C17orf75: variants seen among roughly 807,000 people sequenced by gnomAD.
The protein encoded by C17orf75 is chromosome 17 open reading frame 75.
A neutral mutation model predicts 49.6 loss-of-function variants in C17orf75; 32 were observed. The ratio of observed to expected loss-of-function variants is 0.65; its 90% CI spans 0.49 to 0.87. The LOEUF (loss-of-function observed/expected upper bound fraction) is 0.87. C17orf75 is among the 40% of genes least tolerant of loss of function. The probability of loss-of-function intolerance (pLI) is 0.00; values close to 1 mark genes in which losing one functional copy is unlikely to be tolerated. For missense variants in C17orf75, 428 were observed against 473.9 expected (o/e 0.90, Z 0.90); for synonymous variants, 158 against 159.5 (o/e 0.99, Z 0.07).
At position 32,331,379 on chromosome 17, in the gene C17orf75, C is replaced by T. The variant is rs148232523; in HGVS notation, c.*384G>A. On this transcript the variant is annotated 3_prime_UTR_variant, in exon 10 of 10. Transcript: ENST00000577809. ...GAATTACATTTTTTTTTTTAAGAAGCTACAGTCCACTGAAAAGGAAGTATT... is the reference window on the plus strand; with the variant it reads ...GAATTACATTTTTTTTTTTAAGAAGTTACAGTCCACTGAAAAGGAAGTATT... 3.8e-3 allele frequency: 719 copies of T among 190,918 alleles called. 5 individuals carry two copies. Among genetic ancestry groups the T allele is most frequent in the African/African-American group, 0.016 (656 of 42,160 alleles). 11.8% of individuals were successfully genotyped at this position (190,918 alleles called of 1,614,324 possible). A position where few individuals can be genotyped will look rare whatever the true frequency, so the allele number is the denominator to read the frequency against.
chr17:32,344,802 G>A (rs1024398382), upstream of C17orf75, among the ~76,000 whole-genome samples: 1 of 151,688 alleles, frequency 6.6e-6, no homozygotes, highest in Non-Finnish European at 1.5e-5. Context: ...AGCTACTCAG[G>A]AGGCTGAGGC....
chr17:32,348,314 C>T (rs939089540), intron 1 of C17orf75, among the ~76,000 whole-genome samples: 2 of 152,126 alleles, frequency 1.3e-5, no homozygotes, highest in Non-Finnish European at 2.9e-5. Flanking sequence ...TGAGCCACTG[C>T]GCACAGCCCA....
upstream of C17orf75, chr17:32,342,255 T>C: frequency 7.3e-7 from 1 of 1,363,284 alleles, no homozygotes; most frequent in Non-Finnish European, 9.5e-7. Flanking sequence ...GTTCCGCTGG[T>C]TTCCCCGGGT....
At chr17:32,345,215 C>T (rs2041416129), upstream of C17orf75, among the ~76,000 whole-genome samples, 2 of 152,136 alleles carry the variant, frequency 1.3e-5, no homozygotes, top group African/African-American at 2.4e-5. Flanking sequence ...TGGTGGCACA[C>T]ACCTGTAATC....
upstream of C17orf75, among the ~76,000 whole-genome samples, chr17:32,344,635 G>A (rs930713085): frequency 2.7e-5 from 4 of 150,424 alleles, no homozygotes; most frequent in East Asian, 2.0e-4. Flanking sequence ...ACGGCCGGGC[G>A]TGGTGACTCA....
upstream of C17orf75, among the ~76,000 whole-genome samples, chr17:32,343,294 G>C (rs563469317): frequency 6.9e-6 from 1 of 143,968 alleles, no homozygotes; most frequent in African/African-American, 2.8e-5. Flanking sequence ...GTGTGCATGC[G>C]TGTGTTTTGT....
chr17:32,339,522 G>C (rs1434596733), intron 3 of C17orf75, among the ~76,000 whole-genome samples: 1 of 151,948 alleles, frequency 6.6e-6, no homozygotes, highest in Admixed American at 6.6e-5. Flanking sequence ...AGGAGGTCAA[G>C]GCTGCAGTGA....
At chr17:32,346,023 T>C (rs780785535), upstream of C17orf75, among the ~76,000 whole-genome samples, 1 of 152,204 alleles carries the variant, frequency 6.6e-6, no homozygotes, top group East Asian at 1.9e-4. Context: ...TATTTCTCTA[T>C]GTATCTATTT....
chr17:32,343,700 C>A, upstream of C17orf75: 1 of 574,190 alleles, frequency 1.7e-6, no homozygotes. Context: ...AATGGGTATC[C>A]TCACCTCTAT....
chr17:32,336,496 G>A (rs1184392530), intron 5 of C17orf75, among the ~76,000 whole-genome samples: 2 of 152,158 alleles, frequency 1.3e-5, no homozygotes, highest in African/African-American at 2.4e-5. Flanking sequence ...TTACAGGTGT[G>A]AGCCACCACA....
intron 8 of C17orf75, 33 bp downstream of exon 8, chr17:32,334,436 T>C (rs371405177): frequency 3.1e-6 from 5 of 1,599,864 alleles, no homozygotes; most frequent in Non-Finnish European, 4.3e-6. Context: ...TCGCAAGAGA[T>C]GTAGGAAGGC....
upstream of C17orf75, among the ~76,000 whole-genome samples, chr17:32,344,814 G>A (rs965120303): frequency 4.0e-5 from 6 of 151,692 alleles, no homozygotes; most frequent in Non-Finnish European, 8.8e-5. Context: ...GGCTGAGGCA[G>A]AAGACTCACT....
chr17:32,331,719 C>CTT lies in C17orf75; in HGVS notation c.*42_*43dup, dbSNP rs763381834. ...ATAACTGCAATTTCAAACACTAAGA[C>CTT]TTAAATATACAACTTGATCATACAA... On this transcript the variant is annotated 3_prime_UTR_variant, in exon 10 of 10. Transcript: ENST00000577809. 5.4e-6 allele frequency: 8 copies of CTT among 1,490,042 alleles called. No individual in the cohort carries two copies. The African/African-American group carries it at 1.1e-4, about 21-fold the overall frequency. The allele number at this position is 1,490,042 out of a possible 1,614,324, so 92.3% of individuals were successfully genotyped here.
chr17:32,334,856 A>G lies in C17orf75; in HGVS notation c.670-17T>C. 6.3e-7 allele frequency: 1 copy of G among 1,593,122 alleles called. No individual in the cohort carries two copies. The highest frequency in any genetic ancestry group is 8.6e-7 in the Non-Finnish European group (1 of 1,169,422). ...ACTCAAAGCCTATGAGAGAAAAATA[A>G]AGCCTGATTGGTACATATATTCCAG... On this transcript the variant is annotated splice_polypyrimidine_tract_variant and intron_variant, in intron 6 of 9. Transcript: ENST00000577809.
In C17orf75 at chr17:32,329,129, T is replaced by G. The variant is rs1357758340; in HGVS notation, c.*2634A>C. ...TCGCCCAGGCTTGAGTGCAGTGGTG[T>G]GATCTCGACTCACTGCAAGCTCCGC... On this transcript the variant is annotated 3_prime_UTR_variant, in exon 10 of 10. Transcript: ENST00000577809. The G allele has an allele frequency of 1.3e-5, 2 of 151,514 alleles. No homozygotes were observed. The highest frequency in any genetic ancestry group is 2.0e-4 in the East Asian group (1 of 5,112). The allele number at this position is 151,514 out of a possible 1,614,324, so 9.4% of individuals were successfully genotyped here.
chr17:32,333,278 C>A, intron 9 of C17orf75, 139 bp downstream of exon 9: 1 of 638,982 alleles, frequency 1.6e-6, no homozygotes, highest in Non-Finnish European at 2.7e-6. Context: ...AAGTAAATGT[C>A]TTCTGATAAT....
At chr17:32,341,940 C>T in intron 1 of C17orf75, 60 bp downstream of exon 1, 3 of 1,135,662 alleles carry the variant, frequency 2.6e-6, no homozygotes, top group Non-Finnish European at 3.2e-6. Context: ...GGCCGGGCGG[C>T]GGGCCGGGGG....
chr17:32,347,545 G>A (rs1023731187), intron 1 of C17orf75, among the ~76,000 whole-genome samples: 2 of 152,182 alleles, frequency 1.3e-5, no homozygotes, highest in African/African-American at 4.8e-5. Flanking sequence ...GCCTCCCAAA[G>A]TGTTGGGATT....
chr17:32,334,392 T>C, intron 8 of C17orf75, 77 bp downstream of exon 8: 1 of 1,490,508 alleles, frequency 6.7e-7, no homozygotes, highest in East Asian at 2.4e-5. Context: ...AAGAATAAGG[T>C]TGTATCATAG....
Sources: allele counts gnomAD v4.1 joint callset (sites outside exome capture counted in the v4.1 genomes callset), GRCh38; gene constraint gnomAD v4.1.1; transcripts MANE v1.5; gene names NCBI Gene and HGNC (gene_info 2026-07-23, HGNC 2026-07-21).